The following LPIN1 variants were observed in gnomAD, a reference collection of about 807,000 sequenced individuals.
LPIN1 encodes lipin 1.
In LPIN1, 71 loss-of-function variants were observed where a neutral mutation model predicts 107.5. The observed-to-expected ratio is 0.66, with a 90% CI of 0.55 to 0.80. The LOEUF is 0.80. Among genes scored for constraint, LPIN1 ranks in the 30% least tolerant of loss-of-function variants. The pLI, the probability that LPIN1 is intolerant of heterozygous loss-of-function variation, is 0.00. For missense variants in LPIN1, 1,043 were observed against 1,160.6 expected, an observed-to-expected ratio of 0.90 and a Z score of 1.47; for synonymous variants, 445 against 452.6, an observed-to-expected ratio of 0.98 and a Z score of 0.21.
At chr2:11,822,851 G>GGTCATTGCAT (rs1681784222) in intron 20 of LPIN1, among the ~76,000 whole-genome samples, 1 of 152,316 alleles carries the variant, frequency 6.6e-6, no homozygotes, top group African/African-American at 2.4e-5. Flanking sequence ...TGGCCTCTGC[G>GGTCATTGCAT]GTCATTGCAT....
chr2:11,770,177 A>T (rs1462683791), intron 3 of LPIN1, among the ~76,000 whole-genome samples: 1 of 152,206 alleles, frequency 6.6e-6, no homozygotes, highest in Non-Finnish European at 1.5e-5. Context: ...ATTTTTGGCC[A>T]TCGGAGCTGA....
At chr2:11,776,593 T>G (rs1050360326) in intron 6 of LPIN1, among the ~76,000 whole-genome samples, 18 of 152,210 alleles carry the variant, frequency 1.2e-4, no homozygotes, top group Non-Finnish European at 8.8e-5. Flanking sequence ...ACAAATAAGT[T>G]TACAAGATAT....
upstream of LPIN1, among the ~76,000 whole-genome samples, chr2:11,746,401 T>C (rs1325412000): frequency 6.6e-6 from 1 of 152,014 alleles, no homozygotes; most frequent in Admixed American, 6.5e-5. Context: ...CGAGTTTGGC[T>C]CTGGAAAGGA....
intron 1 of LPIN1, among the ~76,000 whole-genome samples, chr2:11,753,303 G>A (rs1668148004): frequency 6.6e-6 from 1 of 152,176 alleles, no homozygotes; most frequent in Non-Finnish European, 1.5e-5. Flanking sequence ...CTGACTTGCA[G>A]GGCCTCTGAC....
At chr2:11,756,934 A>C (rs1273676072) in intron 1 of LPIN1, among the ~76,000 whole-genome samples, 1 of 152,252 alleles carries the variant, frequency 6.6e-6, no homozygotes. Flanking sequence ...ACGATGTCAC[A>C]TTGAAAAAAC....
intron 1 of LPIN1, among the ~76,000 whole-genome samples, chr2:11,729,772 A>G (rs938577950): frequency 5.3e-5 from 8 of 152,310 alleles, no homozygotes; most frequent in Middle Eastern, 3.4e-3. Context: ...GCTGCCTTCA[A>G]GATGTTCTCT....
At chr2:11,745,545 C>T (rs1016834235), upstream of LPIN1, among the ~76,000 whole-genome samples, 1 of 152,108 alleles carries the variant, frequency 6.6e-6, no homozygotes, top group Non-Finnish European at 1.5e-5. Context: ...CTGGTCTCTA[C>T]AAATAGTTTG....
intron 17 of LPIN1, among the ~76,000 whole-genome samples, chr2:11,812,675 G>A (rs1679881405): frequency 6.6e-6 from 1 of 152,200 alleles, no homozygotes; most frequent in Admixed American, 6.5e-5. Flanking sequence ...GGTTGGGGTT[G>A]GAGAGAAAGG....
chr2:11,784,774 A>C lies in LPIN1; in HGVS notation c.1359-112A>C. ...TTAATAAACATCTGTGCTGAGATGC[A>C]GCCGTCTGCGGCTCTGAGGGTGGCC... is the stretch of plus-strand genomic sequence containing the variant. On this transcript the variant is annotated intron_variant, in intron 9 of 20. Coordinates refer to ENST00000674199, the MANE Select transcript of LPIN1 (RefSeq NM_001349206.2). 4.3e-6 allele frequency: 4 copies of C among 936,134 alleles called. No individual in the cohort carries two copies. The South Asian group carries it at 5.2e-5, about 12-fold the overall frequency. 58.0% of individuals were successfully genotyped at this position (936,134 alleles called of 1,614,324 possible).
At chr2:11,799,855 T>C (rs1572902585) in intron 14 of LPIN1, among the ~76,000 whole-genome samples, 1 of 152,300 alleles carries the variant, frequency 6.6e-6, no homozygotes, top group African/African-American at 2.4e-5. Flanking sequence ...TAGCCCGAAG[T>C]TACCATGGGC....
chr2:11,811,360 G>A (rs1179270183), intron 17 of LPIN1, among the ~76,000 whole-genome samples: 1 of 152,214 alleles, frequency 6.6e-6, no homozygotes, highest in Non-Finnish European at 1.5e-5. Flanking sequence ...TGAGCATTTG[G>A]TGGGGCACTT....
At chr2:11,785,773 A>G (rs1328045120) in intron 10 of LPIN1, among the ~76,000 whole-genome samples, 3 of 151,988 alleles carry the variant, frequency 2.0e-5, no homozygotes, top group Non-Finnish European at 4.4e-5. Context: ...CCTTCCAACC[A>G]GGGCTGCCAT....
chr2:11,799,123 A>G (rs1158929177), intron 14 of LPIN1, among the ~76,000 whole-genome samples: 1 of 152,202 alleles, frequency 6.6e-6, no homozygotes, highest in Non-Finnish European at 1.5e-5. Context: ...TGGCAGCCGC[A>G]AATGACCGTG....
chr2:11,762,138 C>T (rs373451486), intron 1 of LPIN1, among the ~76,000 whole-genome samples: 5 of 151,910 alleles, frequency 3.3e-5, no homozygotes, highest in African/African-American at 7.3e-5. Context: ...GATCGGCTCA[C>T]GGAACTCAGG....
chr2:11,677,549 C>T (rs1000998738), upstream of LPIN1: 3 of 883,364 alleles, frequency 3.4e-6, no homozygotes, highest in Non-Finnish European at 5.4e-6. Context: ...GCTCCAGTGT[C>T]ACCCAGCCCA....
At position 11,765,285 on chromosome 2, in the gene LPIN1, A is replaced by G. The variant is rs917359391; in HGVS notation, c.-9-248A>G. Among the ~76,000 whole-genome samples, 6 of 150,846 alleles carry G rather than the reference A, an allele frequency of 4.0e-5. No homozygotes were observed. The highest frequency in any genetic ancestry group is 8.8e-5 in the Non-Finnish European group (6 of 67,804). On this transcript the variant is annotated intron_variant, in intron 1 of 20. Transcript: ENST00000674199. The surrounding 1 kb of genome is among the most constrained non-coding windows in gnomAD (Gnocchi z 4.4). The stretch of plus-strand genomic sequence containing the variant: ...CCCTGATGGGCCGTGATGGACCCTG[A>G]TGGGCTGTGATGGGCCGTGATGGAC...
rs1312751035 is a variant in LPIN1 at position 11,677,817 on chromosome 2, G to A, written c.81+89G>A. The A allele has an allele frequency of 4.3e-6, 5 of 1,165,098 alleles. No homozygotes were observed. In the Admixed American group the frequency reaches 6.1e-5, roughly 14 times the overall value. The allele number at this position is 1,165,098 out of a possible 1,614,324, so 72.2% of individuals were successfully genotyped here. ...GTGCCCGCGTACTGATGGGACCCGG[G>A]GAACATTTGCGCCCAGAGCGCCTTG... On this transcript the variant is annotated intron_variant, in intron 1 of 21. Transcript: ENST00000449576.
At chr2:11,704,676 A>G (rs188683723) in intron 1 of LPIN1, among the ~76,000 whole-genome samples, 2 of 152,186 alleles carry the variant, frequency 1.3e-5, no homozygotes, top group African/African-American at 4.8e-5. Flanking sequence ...CCCTCATTGT[A>G]CACTCAGGGA....
chr2:11,813,810 AG>A (rs1680097636), intron 17 of LPIN1, among the ~76,000 whole-genome samples: 1 of 152,090 alleles, frequency 6.6e-6, no homozygotes, highest in Admixed American at 6.6e-5. Flanking sequence ...GCAACTTGGG[AG>A]GCTGAGGCAG....
Sources: allele counts gnomAD v4.1 joint callset (sites outside exome capture counted in the v4.1 genomes callset), GRCh38; gene constraint gnomAD v4.1.1; non-coding constraint Gnocchi (gnomAD v3.1); transcripts MANE v1.5; gene names NCBI Gene and HGNC (gene_info 2026-07-23, HGNC 2026-07-21).